Variants in HIVEP1 observed in about 807,000 individuals in gnomAD.
HIVEP1 encodes zinc finger protein 40.
In HIVEP1, 36 loss-of-function variants were observed where a neutral mutation model predicts 180.0. That is an observed-to-expected ratio of 0.20 (90% CI 0.15 to 0.26). The LOEUF is 0.26. Among genes scored for constraint, HIVEP1 ranks in the 10% least tolerant of loss-of-function variants. The probability of loss-of-function intolerance (pLI) is 1.00; values close to 1 mark genes in which losing one functional copy is unlikely to be tolerated. For synonymous variants in HIVEP1, 1,239 were observed against 1,239.0 expected (o/e 1.00, Z 0.00); for missense variants, 3,143 against 3,268.7 (o/e 0.96, Z 0.94).
At chr6:12,040,864 G>T (rs934114960) in intron 2 of HIVEP1, among the ~76,000 whole-genome samples, 2 of 151,890 alleles carry the variant, frequency 1.3e-5, no homozygotes, top group Non-Finnish European at 2.9e-5. Context: ...ATGGCAAGGT[G>T]GGGGAGTGAA....
At chr6:12,115,436 T>C (rs1383846589) in intron 3 of HIVEP1, among the ~76,000 whole-genome samples, 1 of 143,196 alleles carries the variant, frequency 7.0e-6, no homozygotes, top group Non-Finnish European at 1.5e-5. Context: ...TGATGAAGAG[T>C]GCTGGCTTTC....
chr6:12,171,159 T>C, the HIVEP1 span, among the ~76,000 whole-genome samples: 1 of 152,094 alleles, frequency 6.6e-6, no homozygotes, highest in Non-Finnish European at 1.5e-5. Context: ...GCCACCCTCA[T>C]CCCTCCCTCT....
chr6:12,016,128 T>G (rs1249146109), intron 2 of HIVEP1, among the ~76,000 whole-genome samples: 1 of 152,228 alleles, frequency 6.6e-6, no homozygotes, highest in East Asian at 1.9e-4. Context: ...AGGCATTCAC[T>G]CAGACCATTA....
In HIVEP1 at chr6:12,104,362, TTC is replaced by T. The variant is rs558381690; in HGVS notation, c.94+15139_94+15140del. ...TTCTGTGTTGTTTTCATCTGACTTA[TTC>T]TCTCTCTCTCTCTTTCTCTCTCTCT... On this transcript the variant is annotated intron_variant, in intron 3 of 8. Coordinates refer to ENST00000379388, the MANE Select transcript of HIVEP1 (RefSeq NM_002114.4). Among the ~76,000 whole-genome samples, 14 of 149,920 alleles carry T rather than the reference TTC, an allele frequency of 9.3e-5. No individual in the cohort carries two copies. In the East Asian group the frequency reaches 9.8e-4, roughly 10 times the overall value.
At chr6:12,172,903 C>T in the HIVEP1 span, among the ~76,000 whole-genome samples, 3 of 151,728 alleles carry the variant, frequency 2.0e-5, no homozygotes, top group African/African-American at 7.3e-5. Context: ...TAAAACATCC[C>T]ATTTAAATTT....
At chr6:12,169,075 T>C (rs1760832417), downstream of HIVEP1, among the ~76,000 whole-genome samples, 3 of 152,128 alleles carry the variant, frequency 2.0e-5, no homozygotes, top group Admixed American at 2.0e-4. Context: ...TTAGTAGAGA[T>C]GGGGTTTCAC....
intron 2 of HIVEP1, among the ~76,000 whole-genome samples, chr6:12,074,858 A>G (rs1772248465): frequency 6.6e-6 from 1 of 152,134 alleles, no homozygotes. Context: ...ATGTCTTTTC[A>G]TGTTTGATAG....
At chr6:12,117,562 G>A (rs1374346997) in intron 3 of HIVEP1, among the ~76,000 whole-genome samples, 1 of 152,086 alleles carries the variant, frequency 6.6e-6, no homozygotes, top group Non-Finnish European at 1.5e-5. Context: ...CAGTATTTCT[G>A]GGTTGAAATT....
chr6:12,120,706 G>A lies in HIVEP1; in HGVS notation c.911G>A (p.Cys304Tyr). The change falls in exon 4 of 9, where the codon TGT becomes TAT. Residue 304 changes from cysteine (C) to tyrosine (Y), a missense_variant. Cys to Tyr is a radical substitution (Grantham distance 194, BLOSUM62 -2). This residue lies in a region of HIVEP1 where 306 missense variants were observed against 310.6 expected (regional missense o/e 0.99). Coordinates refer to ENST00000379388, the MANE Select transcript of HIVEP1 (RefSeq NM_002114.4). ...SNQHNQQLPG[C>Y]SGFTGSLTNL... is the part of the protein sequence containing the mutation. ...CAACATAATCAACAGCTTCCGGGGT[G>A]TTCAGGTTTCACAGGATCACTGACA... 3 of 1,614,210 alleles carry A rather than the reference G, an allele frequency of 1.9e-6. No homozygotes were observed. Among genetic ancestry groups the A allele is most frequent in the Non-Finnish European group, 2.5e-6 (3 of 1,180,026 alleles).
chr6:12,210,546 TC>T, the HIVEP1 span, among the ~76,000 whole-genome samples: 10 of 152,242 alleles, frequency 6.6e-5, 1 homozygote, highest in South Asian at 2.1e-3. Flanking sequence ...TAGAAAAAAA[TC>T]TAGTGAAAAG....
At chr6:12,195,138 A>G in the HIVEP1 span, among the ~76,000 whole-genome samples, 5 of 152,332 alleles carry the variant, frequency 3.3e-5, no homozygotes, top group African/African-American at 9.6e-5. Context: ...CTGACTCCAG[A>G]TAAATTATAT....
intron 2 of HIVEP1, among the ~76,000 whole-genome samples, chr6:12,059,725 G>A (rs1771109430): frequency 6.6e-6 from 1 of 152,120 alleles, no homozygotes; most frequent in South Asian, 2.1e-4. Flanking sequence ...CCTCTGGGCA[G>A]CCTCCTGGAA....
At chr6:12,111,675 T>C (rs549891639) in intron 3 of HIVEP1, among the ~76,000 whole-genome samples, 9 of 152,396 alleles carry the variant, frequency 5.9e-5, no homozygotes, top group African/African-American at 2.2e-4. Context: ...TCTCATTTCC[T>C]GTCTCTCTCC....
chr6:12,096,565 TATA>T (rs1303859232), intron 3 of HIVEP1, among the ~76,000 whole-genome samples: 1 of 150,968 alleles, frequency 6.6e-6, no homozygotes, highest in South Asian at 2.1e-4. Flanking sequence ...ATTAAAAAAA[TATA>T]ATAATATTTT....
At chr6:12,141,259 C>T (rs143478967) in intron 7 of HIVEP1, among the ~76,000 whole-genome samples, 86 of 152,098 alleles carry the variant, frequency 5.7e-4, no homozygotes, top group African/African-American at 2.1e-3. Flanking sequence ...AATTTCATAT[C>T]TAGCCAAACT....
At chr6:12,200,483 A>G in the HIVEP1 span, among the ~76,000 whole-genome samples, 1 of 152,202 alleles carries the variant, frequency 6.6e-6, no homozygotes, top group Non-Finnish European at 1.5e-5. Flanking sequence ...TTCCTGGGCA[A>G]AGCTAAGTAC....
rs562520053 is a variant in HIVEP1, at chr6:12,122,610, G to T, written c.2815G>T (p.Ala939Ser). The T allele has an allele frequency of 3.1e-6, 5 of 1,614,182 alleles. No homozygotes were observed. The highest frequency in any genetic ancestry group is 3.3e-5 in the Admixed American group (2 of 60,020). The change falls in exon 4 of 9, where the codon GCA becomes TCA. Residue 939 changes from alanine (A) to serine (S), a missense_variant. Ala to Ser is a moderately conservative substitution (Grantham distance 99). Around this residue, in one of 12 missense-constraint regions of HIVEP1, gnomAD observed 204 missense variants for 243.7 expected, o/e 0.84. Coordinates refer to ENST00000379388, the MANE Select transcript of HIVEP1 (RefSeq NM_002114.4). ...AGEAMSVRSK[A>S]LAQGPHIEKK... The stretch of plus-strand genomic sequence containing the variant: ...TGAAGCCATGTCAGTGAGGAGCAAG[G>T]CACTGGCACAAGGCCCACATATAGA...
At chr6:12,104,425 CTTTTTTTTT>C (rs70981665) in intron 3 of HIVEP1, among the ~76,000 whole-genome samples, 5 of 72,790 alleles carry the variant, frequency 6.9e-5, no homozygotes, top group South Asian at 6.1e-4. Flanking sequence ...CTTTTCTTTC[CTTTTTTTTT>C]TTTTTTTTTT....
intron 7 of HIVEP1, among the ~76,000 whole-genome samples, chr6:12,154,606 CAAG>C (rs1759909001): frequency 6.6e-6 from 1 of 151,290 alleles, no homozygotes; most frequent in African/African-American, 2.4e-5. Context: ...CACATGGACA[CAAG>C]GAGGGGAACA....
Sources: gnomAD v4.1 joint callset for allele counts (sites outside exome capture counted in the v4.1 genomes callset) on GRCh38, gnomAD v4.1.1 for gene constraint, gnomAD v4.1.1 regional missense constraint, MANE v1.5 for transcripts, NCBI Gene and HGNC (gene_info 2026-07-23, HGNC 2026-07-21) for gene names.